The following GAREM1 variants were observed in gnomAD, a reference collection of about 807,000 sequenced individuals.
GAREM1 encodes the protein GRB2-associated and regulator of MAPK protein 1.
A neutral mutation model predicts 71.3 loss-of-function variants in GAREM1; 26 were observed. The observed-to-expected ratio is 0.36, with a 90% CI of 0.27 to 0.51. The LOEUF (loss-of-function observed/expected upper bound fraction) is 0.51. GAREM1 is among the 20% of genes least tolerant of loss of function. GAREM1 has a pLI of 0.95. For missense variants in GAREM1, 1,026 were observed against 1,103.1 expected (o/e 0.93, Z 0.99); for synonymous variants, 440 against 433.2 (o/e 1.02, Z -0.20).
intron 1 of GAREM1, among the ~76,000 whole-genome samples, chr18:32,437,421 C>A (rs1471367819): frequency 6.6e-6 from 1 of 152,056 alleles, no homozygotes; most frequent in Admixed American, 6.6e-5. Context: ...AAAACTGTAA[C>A]TGAAATTAGT....
At chr18:32,294,265 GA>G (rs1439630572) in intron 3 of GAREM1, among the ~76,000 whole-genome samples, 1 of 152,186 alleles carries the variant, frequency 6.6e-6, no homozygotes, top group Non-Finnish European at 1.5e-5. Context: ...ACATGATTCA[GA>G]AAAAGATACG....
chr18:32,378,057 T>TGTGTGTGTGTGCGCGC (rs1293817110), intron 2 of GAREM1, among the ~76,000 whole-genome samples: 18 of 127,520 alleles, frequency 1.4e-4, no homozygotes, highest in African/African-American at 5.1e-4. Context: ...TGTGTGTGTG[T>TGTGTGTGTGTGCGCGC]GCGCGCGGGC....
intron 2 of GAREM1, among the ~76,000 whole-genome samples, chr18:32,370,087 T>C (rs1336094642): frequency 6.6e-6 from 1 of 152,204 alleles, no homozygotes; most frequent in Non-Finnish European, 1.5e-5. Context: ...GGCTACTTCA[T>C]GGCAATTTTA....
intron 2 of GAREM1, among the ~76,000 whole-genome samples, chr18:32,353,883 C>T (rs1443658709): frequency 2.0e-5 from 3 of 152,006 alleles, no homozygotes; most frequent in South Asian, 2.1e-4. Context: ...GAAGGGAGAA[C>T]TAAAATGCTC....
chr18:32,346,559 T>C (rs1006431396), intron 2 of GAREM1, among the ~76,000 whole-genome samples: 1 of 152,132 alleles, frequency 6.6e-6, no homozygotes, highest in African/African-American at 2.4e-5. Flanking sequence ...ACATAGAAAA[T>C]AAAATTCCAA....
chr18:32,371,814 T>C (rs1598997565), intron 2 of GAREM1, among the ~76,000 whole-genome samples: 1 of 152,220 alleles, frequency 6.6e-6, no homozygotes. Flanking sequence ...AGGTCCAGAA[T>C]GCCAAGGAAA....
Position 32,268,761 on chromosome 18 carries a change from T to A in GAREM1, c.1741A>T (p.Thr581Ser). ...YSSGLHNISV[T>S]KTDTNPSEST... is the part of the protein sequence containing the mutation. ...TCAGAAGGATTTGTGTCAGTTTTAG[T>A]GACGCTGCTTAAAAGCAAACACAGA... The change falls in exon 6 of 6, where the codon ACT (threonine) becomes TCT (serine). Residue 581 changes from threonine to serine, a missense_variant. Transcript: ENST00000269209. 6.2e-7 allele frequency: 1 copy of A among 1,612,736 alleles called. No individual in the cohort carries two copies. Among genetic ancestry groups the A allele is most frequent in the Non-Finnish European group, 8.5e-7 (1 of 1,179,108 alleles).
chr18:32,290,803 T>C (rs1337031517), intron 3 of GAREM1, among the ~76,000 whole-genome samples: 1 of 152,130 alleles, frequency 6.6e-6, no homozygotes, highest in Non-Finnish European at 1.5e-5. Flanking sequence ...TTACCTAACA[T>C]ATTGATTAAA....
intron 1 of GAREM1, among the ~76,000 whole-genome samples, chr18:32,394,586 A>G (rs1294212151): frequency 6.6e-6 from 1 of 152,138 alleles, no homozygotes; most frequent in African/African-American, 2.4e-5. Flanking sequence ...TTTTCAAACC[A>G]GACTATGCTG....
chr18:32,378,057 T>TGTGTGTGTGTGTGTGTGTGTGCGCGC (rs1293817110), intron 2 of GAREM1, among the ~76,000 whole-genome samples: 1 of 127,624 alleles, frequency 7.8e-6, no homozygotes, highest in African/African-American at 3.0e-5. Flanking sequence ...TGTGTGTGTG[T>TGTGTGTGTGTGTGTGTGTGTGCGCGC]GCGCGCGGGC....
intron 1 of GAREM1, among the ~76,000 whole-genome samples, chr18:32,414,840 A>C (rs2048452955): frequency 6.6e-6 from 1 of 152,066 alleles, no homozygotes; most frequent in Admixed American, 6.6e-5. Flanking sequence ...ACCCAAAATT[A>C]GTATAAGAAA....
intron 1 of GAREM1, among the ~76,000 whole-genome samples, chr18:32,415,094 T>G (rs1377920935): frequency 6.6e-6 from 1 of 152,100 alleles, no homozygotes; most frequent in Non-Finnish European, 1.5e-5. Context: ...GCCAATAAAT[T>G]GGAAAATCCA....
rs766396873 is a variant in GAREM1, at chr18:32,287,801, G to T, written c.796C>A (p.Arg266Ser). The change falls in exon 4 of 6, where the codon CGT (arginine) becomes AGT (serine). Residue 266 changes from arginine (R) to serine (S), a missense_variant. By Grantham distance (110) the Arg-to-Ser change is moderately radical (BLOSUM62 -1). Coordinates refer to ENST00000269209, the MANE Select transcript of GAREM1 (RefSeq NM_001242409.2). The surrounding 1 kb of genome is among the most constrained non-coding windows in gnomAD (Gnocchi z 5.9). ...PRNPYDLHFI[R>S]EGHRYKFVNI... The stretch of plus-strand genomic sequence containing the variant: ...ACAAACTTATAGCGGTGCCCCTCAC[G>T]GATGAAGTGGAGGTCGTATGGGTTT... The T allele has an allele frequency of 2.5e-6, 4 of 1,613,708 alleles. No homozygotes were observed. The East Asian group carries it at 6.7e-5, about 27-fold the overall frequency.
In GAREM1 at chr18:32,412,231, T is replaced by G. The variant is rs201964291; in HGVS notation, c.122-19196A>C. On this transcript the variant is annotated intron_variant, in intron 1 of 5. Coordinates refer to ENST00000269209, the MANE Select transcript of GAREM1 (RefSeq NM_001242409.2). The stretch of plus-strand genomic sequence containing the variant: ...TTTCCTAATTAAAATCTTCTGCCAC[T>G]GACACAGCTACTGCTGCTGCTGGAA... 12 of 1,573,182 alleles carry G rather than the reference T, an allele frequency of 7.6e-6. No individual in the cohort carries two copies. The African/African-American group carries it at 9.4e-5, about 12-fold the overall frequency.
Position 32,268,269 on chromosome 18 carries a change from G to A in GAREM1, c.2233C>T (p.Pro745Ser), listed in dbSNP as rs1267517098. The A allele has an allele frequency of 6.2e-7, 1 of 1,614,056 alleles. No homozygotes were observed. The highest frequency in any genetic ancestry group is 1.6e-4 in the Middle Eastern group (1 of 6,062). ...TCCTCAGCACCATCAATTTTCAGAG[G>A]CAAAGGAGATGTTTCGGAGGCGACC... The part of the protein sequence containing the change: ...EKVASETSPL[P>S]LKIDGAEEDP... Residue 745 changes from proline (P) to serine (S), a missense_variant, in exon 6 of 6, where the codon CCT (proline) becomes TCT (serine). By Grantham distance (74) the Pro-to-Ser change is moderately conservative. This residue lies in a region of GAREM1 where 636 missense variants were observed against 631.2 expected (regional missense o/e 1.01). Coordinates refer to ENST00000269209, the MANE Select transcript of GAREM1 (RefSeq NM_001242409.2).
chr18:32,444,950 G>T (rs991346716), intron 1 of GAREM1, among the ~76,000 whole-genome samples: 1 of 152,076 alleles, frequency 6.6e-6, no homozygotes, highest in Admixed American at 6.6e-5. Flanking sequence ...CTCAGCATAG[G>T]CAATACTTCC....
intron 4 of GAREM1, among the ~76,000 whole-genome samples, chr18:32,284,314 TG>T (rs569122441): frequency 8.3e-4 from 126 of 152,364 alleles, no homozygotes; most frequent in African/African-American, 2.9e-3. Flanking sequence ...GGACACGCTC[TG>T]AAAAGATTCT....
intron 2 of GAREM1, among the ~76,000 whole-genome samples, chr18:32,378,050 G>C (rs2048052547): frequency 6.7e-6 from 1 of 148,628 alleles, no homozygotes; most frequent in African/African-American, 2.6e-5. Context: ...GTGTGTGTGT[G>C]TGTGTGTGCG....
At chr18:32,378,238 G>A (rs1485045268) in intron 2 of GAREM1, among the ~76,000 whole-genome samples, 2 of 152,004 alleles carry the variant, frequency 1.3e-5, no homozygotes, top group East Asian at 1.9e-4. Flanking sequence ...GGTGGCTCAC[G>A]CCTATAATCT....
Sources: gnomAD v4.1 joint callset for allele counts (sites outside exome capture counted in the v4.1 genomes callset) on GRCh38, gnomAD v4.1.1 for gene constraint, gnomAD v4.1.1 regional missense constraint, Gnocchi (gnomAD v3.1) non-coding constraint, MANE v1.5 for transcripts, NCBI Gene and HGNC (gene_info 2026-07-23, HGNC 2026-07-21) for gene names.